TENT5A: variants seen among roughly 807,000 people sequenced by gnomAD.
TENT5A encodes HBV X-transactivated gene 11 protein.
A neutral mutation model predicts 30.2 loss-of-function variants in TENT5A; 9 were observed. The ratio of observed to expected loss-of-function variants is 0.30; its 90% CI spans 0.18 to 0.52. The LOEUF (loss-of-function observed/expected upper bound fraction) is 0.52. TENT5A is among the 20% of genes least tolerant of loss of function. The probability of loss-of-function intolerance (pLI) is 0.97; values close to 1 mark genes in which losing one functional copy is unlikely to be tolerated. For synonymous variants in TENT5A, 264 were observed against 234.2 expected, an observed-to-expected ratio of 1.13 and a Z score of -1.16; for missense variants, 411 against 566.1, an observed-to-expected ratio of 0.73 and a Z score of 2.78.
rs1768925585 is a variant in TENT5A at position 81,748,226 on chromosome 6, C to T, written c.*1469G>A. ...TTTTAGCAGTCAGGGATTTAAGTAGCCTATTACTGATCCATGATCCACTAG... is the reference window on the plus strand; with the variant it reads ...TTTTAGCAGTCAGGGATTTAAGTAGTCTATTACTGATCCATGATCCACTAG... On this transcript the variant is annotated 3_prime_UTR_variant, in exon 3 of 3. Transcript: ENST00000320172. 3 of 984,858 alleles carry T rather than the reference C, an allele frequency of 3.0e-6. No homozygotes were observed. Among genetic ancestry groups the T allele is most frequent in the Non-Finnish European group, 3.6e-6 (3 of 829,700 alleles). The allele number at this position is 984,858 out of a possible 1,614,324, so 61.0% of individuals were successfully genotyped here.
Position 81,747,548 on chromosome 6 carries a change from A to T in TENT5A, c.*2147T>A, listed in dbSNP as rs1581988305. The T allele has an allele frequency of 2.0e-6, 2 of 985,722 alleles. No homozygotes were observed. Among genetic ancestry groups the T allele is most frequent in the Non-Finnish European group, 2.4e-6 (2 of 829,924 alleles). The allele number at this position is 985,722 out of a possible 1,614,324, so 61.1% of individuals were successfully genotyped here. On this transcript the variant is annotated 3_prime_UTR_variant, in exon 3 of 3. Coordinates refer to ENST00000320172, the MANE Select transcript of TENT5A (RefSeq NM_017633.3). Reference sequence around the variant, plus strand: ...TAGTCCAGACGGATTAACCTGGATTAACCTAGCACTAAGCATCTGAGGATC... The same window carrying T: ...TAGTCCAGACGGATTAACCTGGATTTACCTAGCACTAAGCATCTGAGGATC...
rs1768995552 is a variant in TENT5A, at chr6:81,749,862, C to T, written c.1162G>A (p.Val388Met). ...GGAATGACATTTTGGTCAGCTAACA[C>T]CCGGATAGCCAGCATGGTGATAAGG... ...LNLITMLAIR[V>M]LADQNVIPNV... is the part of the protein sequence containing the mutation. Residue 388 changes from valine to methionine, a missense_variant, in exon 3 of 3, where the codon GTG becomes ATG. Physicochemically the swap from Val to Met is conservative, Grantham distance 21. Transcript: ENST00000320172. 2 of 1,614,104 alleles carry T rather than the reference C, an allele frequency of 1.2e-6. No homozygotes were observed. Among genetic ancestry groups the T allele is most frequent in the South Asian group, 1.1e-5 (1 of 91,078 alleles).
rs571793945 is a variant in TENT5A at position 81,747,279 on chromosome 6, T to A, written c.*2416A>T. The A allele has an allele frequency of 1.0e-6, 1 of 985,842 alleles. No individual in the cohort carries two copies. Among genetic ancestry groups the A allele is most frequent in the East Asian group, 1.1e-4 (1 of 8,814 alleles). 61.1% of individuals were successfully genotyped at this position (985,842 alleles called of 1,614,324 possible). A position where few individuals can be genotyped will look rare whatever the true frequency, so the allele number is the denominator to read the frequency against. ...ACAACTAAGCAGGCGGAGCTCTGGT[T>A]TCTGATAGGTGAGTGCCAGGCTTAA... On this transcript the variant is annotated 3_prime_UTR_variant, in exon 3 of 3. Coordinates refer to ENST00000320172, the MANE Select transcript of TENT5A (RefSeq NM_017633.3).
chr6:81,749,986 T>A lies in TENT5A; in HGVS notation c.1038A>T (p.Gly346=). Residue 346 remains glycine, a synonymous_variant, in exon 3 of 3, where the codon GGA becomes GGT. Transcript: ENST00000320172. ...LESYLQNHFV[G]LEDRKYEYLM... is the part of the protein sequence containing the mutation. ...GATACTCATACTTGCGGTCTTCCAA[T>A]CCCACAAAGTGGTTCTGCAAATAGG... The A allele has an allele frequency of 6.2e-7, 1 of 1,614,174 alleles. No homozygotes were observed. The highest frequency in any genetic ancestry group is 8.5e-7 in the Non-Finnish European group (1 of 1,180,032).
rs1394479253 is a variant in TENT5A at position 81,748,742 on chromosome 6, G to T, written c.*953C>A. 11 of 985,326 alleles carry T rather than the reference G, an allele frequency of 1.1e-5. No individual in the cohort carries two copies. The highest frequency in any genetic ancestry group is 5.2e-5 in the African/African-American group (3 of 57,150). The allele number at this position is 985,326 out of a possible 1,614,324, so 61.0% of individuals were successfully genotyped here. A position where few individuals can be genotyped will look rare whatever the true frequency, so the allele number is the denominator to read the frequency against. On this transcript the variant is annotated 3_prime_UTR_variant, in exon 3 of 3. Coordinates refer to ENST00000320172, the MANE Select transcript of TENT5A (RefSeq NM_017633.3). ...GTTAACTTTATACAAGTATTTGCAA[G>T]AAAAAATAGGGCATTTTCTCCACCA...
In TENT5A at chr6:81,747,746, G is replaced by C. The variant is rs750536159; in HGVS notation, c.*1949C>G. The stretch of plus-strand genomic sequence containing the variant: ...TATGTGGTTGTTTCACAACACAAAG[G>C]GAAGGTTCTTATGTGTTAGTTTTGT... On this transcript the variant is annotated 3_prime_UTR_variant, in exon 3 of 3. Coordinates refer to ENST00000320172, the MANE Select transcript of TENT5A (RefSeq NM_017633.3). 1.0e-6 allele frequency: 1 copy of C among 985,824 alleles called. No homozygotes were observed. The highest frequency in any genetic ancestry group is 1.2e-6 in the Non-Finnish European group (1 of 829,918). 61.1% of individuals were successfully genotyped at this position (985,824 alleles called of 1,614,324 possible). A position where few individuals can be genotyped will look rare whatever the true frequency, so the allele number is the denominator to read the frequency against.
rs1041571086 is a variant in TENT5A, at chr6:81,746,753, G to C, written c.*2942C>G. The stretch of plus-strand genomic sequence containing the variant: ...AAATCACAGGCGCTAATAGGGAGTC[G>C]GGAGCTGTTCTTTTCTCTGACCTAT... On this transcript the variant is annotated 3_prime_UTR_variant, in exon 3 of 3. Transcript: ENST00000320172. 1 of 1,220,200 alleles carries C rather than the reference G, an allele frequency of 8.2e-7. No individual in the cohort carries two copies. The allele number at this position is 1,220,200 out of a possible 1,614,324, so 75.6% of individuals were successfully genotyped here.
Position 81,746,105 on chromosome 6 carries a change from CAT to C in TENT5A, c.*3588_*3589del, listed in dbSNP as rs1269730305. On this transcript the variant is annotated 3_prime_UTR_variant, in exon 3 of 3. Transcript: ENST00000320172. ...AAGCCATTATTTTAACAAAATATAA[CAT>C]AGAGATTCTTTCTTAGCACTGAAAA... 2.1e-5 allele frequency: 21 copies of C among 980,994 alleles called. No individual in the cohort carries two copies. In the South Asian group the frequency reaches 8.5e-4, roughly 40 times the overall value. 60.8% of individuals were successfully genotyped at this position (980,994 alleles called of 1,614,324 possible).
chr6:81,750,089 T>C lies in TENT5A; in HGVS notation c.935A>G (p.Lys312Arg). The change falls in exon 3 of 3, where the codon AAG becomes AGG. Residue 312 changes from lysine (K) to arginine (R), a missense_variant. By Grantham distance (26) the Lys-to-Arg change is conservative. Coordinates refer to ENST00000320172, the MANE Select transcript of TENT5A (RefSeq NM_017633.3). This position sits in a 1 kb window ranked among gnomAD's most constrained non-coding sequence, Gnocchi z 4.2. ...RGFRPASDEI[K>R]TLQRYMCSRF... ...GGAACACATATACCTTTGAAGGGTC[T>C]TGATTTCATCAGAGGCGGGCCTAAA... 1 of 1,614,082 alleles carries C rather than the reference T, an allele frequency of 6.2e-7. No individual in the cohort carries two copies. Among genetic ancestry groups the C allele is most frequent in the South Asian group, 1.1e-5 (1 of 91,076 alleles).
Position 81,752,177 on chromosome 6 carries a change from T to A in TENT5A, c.-36A>T. ...CCGAGCGCCACTTGGCCCTGGTCAG[T>A]CCTAAAAAGAAAGGGAAAGGAGCGC... On this transcript the variant is annotated splice_region_variant and 5_prime_UTR_variant, in exon 2 of 3. Coordinates refer to ENST00000320172, the MANE Select transcript of TENT5A (RefSeq NM_017633.3). The A allele has an allele frequency of 6.7e-7, 1 of 1,501,686 alleles. No individual in the cohort carries two copies. The highest frequency in any genetic ancestry group is 1.3e-5 in the South Asian group (1 of 76,214). The allele number at this position is 1,501,686 out of a possible 1,614,324, so 93.0% of individuals were successfully genotyped here.
In TENT5A at chr6:81,747,022, A is replaced by G. The variant is rs1581987977; in HGVS notation, c.*2673T>C. 1.0e-6 allele frequency: 1 copy of G among 985,216 alleles called. No homozygotes were observed. The highest frequency in any genetic ancestry group is 1.1e-4 in the East Asian group (1 of 8,860). 61.0% of individuals were successfully genotyped at this position (985,216 alleles called of 1,614,324 possible). On this transcript the variant is annotated 3_prime_UTR_variant, in exon 3 of 3. Coordinates refer to ENST00000320172, the MANE Select transcript of TENT5A (RefSeq NM_017633.3). Reference sequence around the variant, plus strand: ...TACCAACCCTGAAGTAAGCAAGAAAAGAATATAAATATTTAAGAAAATAAA... The same window carrying G: ...TACCAACCCTGAAGTAAGCAAGAAAGGAATATAAATATTTAAGAAAATAAA...
chr6:81,746,694 C>T lies in TENT5A; in HGVS notation c.*3001G>A. On this transcript the variant is annotated 3_prime_UTR_variant, in exon 3 of 3. Transcript: ENST00000320172. ...AAAACTTCTTCCTGGTTTAAAGAAA[C>T]AGCACACTAGGCCAGATAAACACAA... 8.1e-7 allele frequency: 1 copy of T among 1,228,436 alleles called. No individual in the cohort carries two copies. Among genetic ancestry groups the T allele is most frequent in the Middle Eastern group, 3.1e-4 (1 of 3,182 alleles). 76.1% of individuals were successfully genotyped at this position (1,228,436 alleles called of 1,614,324 possible).
Position 81,750,218 on chromosome 6 carries a change from T to C in TENT5A, c.806A>G (p.Gln269Arg), listed in dbSNP as rs1279051981. 6.2e-7 allele frequency: 1 copy of C among 1,614,082 alleles called. No individual in the cohort carries two copies. The highest frequency in any genetic ancestry group is 1.7e-5 in the Admixed American group (1 of 60,008). The part of the protein sequence containing the change: ...IIGESVYGDF[Q>R]EAFDHLCNKI... ...GTTACAAAGGTGATCAAAGGCTTCC[T>C]GGAAATCGCCATAGACGCTCTCCCC... Residue 269 changes from glutamine (Q) to arginine (R), a missense_variant, in exon 3 of 3, where the codon CAG becomes CGG. Physicochemically the swap from Gln to Arg is conservative, Grantham distance 43. Transcript: ENST00000320172. The surrounding 1 kb of genome is among the most constrained non-coding windows in gnomAD (Gnocchi z 4.2).
rs1030338017 is a variant in TENT5A, at chr6:81,745,967, T to C, written c.*3728A>G. ...CAAAGCAGGCATGATTGTAGAGAGG[T>C]TGGAGGGAGAGACAGCCAGCAGGCA... On this transcript the variant is annotated 3_prime_UTR_variant, in exon 3 of 3. Coordinates refer to ENST00000320172, the MANE Select transcript of TENT5A (RefSeq NM_017633.3). 104 of 985,702 alleles carry C rather than the reference T, an allele frequency of 1.1e-4. No individual in the cohort carries two copies. The highest frequency in any genetic ancestry group is 2.3e-4 in the East Asian group (2 of 8,816). 61.1% of individuals were successfully genotyped at this position (985,702 alleles called of 1,614,324 possible).
rs1450777895 is a variant in TENT5A at position 81,749,304 on chromosome 6, A to G, written c.*391T>C. 2.0e-6 allele frequency: 2 copies of G among 1,000,540 alleles called. No individual in the cohort carries two copies. Among genetic ancestry groups the G allele is most frequent in the Admixed American group, 5.9e-5 (1 of 16,866 alleles). The allele number at this position is 1,000,540 out of a possible 1,614,324, so 62.0% of individuals were successfully genotyped here. A position where few individuals can be genotyped will look rare whatever the true frequency, so the allele number is the denominator to read the frequency against. ...TTTTTTCCTCCGTATTTTCCCTTTT[A>G]TGAATTCCATCTTAAAAGAAACTTT... On this transcript the variant is annotated 3_prime_UTR_variant, in exon 3 of 3. Coordinates refer to ENST00000320172, the MANE Select transcript of TENT5A (RefSeq NM_017633.3).
chr6:81,752,238 G>T, intron 1 of TENT5A, 60 bp from the exon 2 acceptor site: 4 of 1,362,798 alleles, frequency 2.9e-6, no homozygotes, highest in Non-Finnish European at 3.9e-6. Context: ...CACGCGCGGC[G>T]GCGGAGAGCA....
chr6:81,751,709 A>T lies in TENT5A; in HGVS notation c.433T>A (p.Cys145Ser). ...TCCCCTTCCCCGCGCAGGTCGGCGCAGAAGATGAGGTCCAGGTCCTTGTAG... is the reference window on the plus strand; with the variant it reads ...TCCCCTTCCCCGCGCAGGTCGGCGCTGAAGATGAGGTCCAGGTCCTTGTAG... Reference protein sequence around the residue: ...LGYKDLDLIFCADLRGEGEFQ... With the variant: ...LGYKDLDLIFSADLRGEGEFQ... Residue 145 changes from cysteine (C) to serine (S), a missense_variant, in exon 2 of 3, where the codon TGC becomes AGC. By Grantham distance (112) the Cys-to-Ser change is moderately radical. Coordinates refer to ENST00000320172, the MANE Select transcript of TENT5A (RefSeq NM_017633.3). 1 of 1,614,114 alleles carries T rather than the reference A, an allele frequency of 6.2e-7. No homozygotes were observed. The highest frequency in any genetic ancestry group is 8.5e-7 in the Non-Finnish European group (1 of 1,180,038).
In TENT5A at chr6:81,745,955, A is replaced by T; in HGVS notation, c.*3740T>A. ...AACAGAACACCTCAAAGCAGGCATGATTGTAGAGAGGTTGGAGGGAGAGAC... is the reference window on the plus strand; with the variant it reads ...AACAGAACACCTCAAAGCAGGCATGTTTGTAGAGAGGTTGGAGGGAGAGAC... On this transcript the variant is annotated 3_prime_UTR_variant, in exon 3 of 3. Transcript: ENST00000320172. The T allele has an allele frequency of 2.0e-6, 2 of 985,800 alleles. No individual in the cohort carries two copies. The highest frequency in any genetic ancestry group is 2.4e-6 in the Non-Finnish European group (2 of 829,938). 61.1% of individuals were successfully genotyped at this position (985,800 alleles called of 1,614,324 possible). A position where few individuals can be genotyped will look rare whatever the true frequency, so the allele number is the denominator to read the frequency against.
At chr6:81,751,082 T>C (rs1769021327) in intron 2 of TENT5A, among the ~76,000 whole-genome samples, 1 of 152,190 alleles carries the variant, frequency 6.6e-6, no homozygotes, top group Admixed American at 6.5e-5. Flanking sequence ...CCTTAACATA[T>C]GAACCAGCAC....
Sources: gnomAD v4.1 joint callset for allele counts (sites outside exome capture counted in the v4.1 genomes callset) on GRCh38, gnomAD v4.1.1 for gene constraint, Gnocchi (gnomAD v3.1) non-coding constraint, MANE v1.5 for transcripts, NCBI Gene and HGNC (gene_info 2026-07-23, HGNC 2026-07-21) for gene names.